Variants in FREM2 observed in about 807,000 individuals in gnomAD.
FREM2 encodes the protein FRAS1-related extracellular matrix protein 2.
A neutral mutation model predicts 219.9 loss-of-function variants in FREM2; 119 were observed. The observed-to-expected ratio is 0.54, with a 90% CI of 0.47 to 0.63. The LOEUF is 0.63. Ranked by LOEUF, FREM2 falls within the 30% of genes least tolerant of loss-of-function variation. The pLI is 0.00. For synonymous variants in FREM2, 1,562 were observed against 1,522.8 expected (o/e 1.03, Z -0.60); for missense variants, 4,030 against 3,993.6 (o/e 1.01, Z -0.25).
chr13:38,808,829 T>C (rs1176184773), intron 6 of FREM2, among the ~76,000 whole-genome samples: 4 of 152,020 alleles, frequency 2.6e-5, no homozygotes, highest in Admixed American at 2.6e-4. Context: ...GCACATGCTG[T>C]TGGAAAAATG....
At position 38,769,752 on chromosome 13, in the gene FREM2, T is replaced by C. The variant is rs1873581288; in HGVS notation, c.5585T>C (p.Leu1862Pro). 8.7e-6 allele frequency: 14 copies of C among 1,614,050 alleles called. No homozygotes were observed. The highest frequency in any genetic ancestry group is 1.2e-5 in the Non-Finnish European group (14 of 1,180,010). Reference protein sequence around the residue: ...TFQVVLSEPVLAALEFPTVAT... With the variant: ...TFQVVLSEPVPAALEFPTVAT... ...CAGGTGGTACTCTCAGAGCCCGTGC[T>C]GGCTGCCTTGGAATTCCCCACAGTC... The change falls in exon 4 of 24, where the codon CTG becomes CCG. Residue 1862 changes from leucine (L) to proline (P), a missense_variant. Physicochemically the swap from Leu to Pro is moderately conservative, Grantham distance 98 (BLOSUM62 -3). Around this residue, in one of 2 missense-constraint regions of FREM2, gnomAD observed 3,102 missense variants for 2,950.7 expected, o/e 1.05. Coordinates refer to ENST00000280481, the MANE Select transcript of FREM2 (RefSeq NM_207361.6).
chr13:38,714,990 G>T (rs1243296365), intron 2 of FREM2, among the ~76,000 whole-genome samples: 1 of 152,062 alleles, frequency 6.6e-6, no homozygotes, highest in Non-Finnish European at 1.5e-5. Context: ...TACTTGGGAG[G>T]CTAAGGCAAG....
chr13:38,701,198 T>C (rs959723387), intron 2 of FREM2, among the ~76,000 whole-genome samples: 1 of 152,084 alleles, frequency 6.6e-6, no homozygotes, highest in African/African-American at 2.4e-5. Context: ...CATGAAAATG[T>C]GATATCAGAA....
At chr13:38,768,244 G>T (rs896077960) in intron 3 of FREM2, among the ~76,000 whole-genome samples, 7 of 152,064 alleles carry the variant, frequency 4.6e-5, no homozygotes, top group African/African-American at 1.7e-4. Context: ...TCTATCACAA[G>T]ACTTTATTTT....
In FREM2 at chr13:38,755,166, G is replaced by T. The variant is rs566552291; in HGVS notation, c.5264-9138G>T. Among the ~76,000 whole-genome samples the T allele has an allele frequency of 7.2e-5, 11 of 152,144 alleles. No homozygotes were observed. In the South Asian group the frequency reaches 2.3e-3, roughly 32 times the overall value. On this transcript the variant is annotated intron_variant, in intron 2 of 23. Transcript: ENST00000280481. ...TCTGCCTGCCTCGGCCCCCCAAAGT[G>T]CTGGGATTACAGGCATGAGCCACCA...
rs555225770 is a variant in FREM2, at chr13:38,712,152, C to A, written c.5263+14365C>A. Among the ~76,000 whole-genome samples the A allele has an allele frequency of 2.8e-4, 43 of 152,112 alleles. No individual in the cohort carries two copies. In the South Asian group the frequency reaches 3.7e-3, roughly 13 times the overall value. ...CTCGTGATCCACCTGCCTCGGCCCC[C>A]CAAAGTGCTGGGATTACAGGCGTGA... On this transcript the variant is annotated intron_variant, in intron 2 of 23. Coordinates refer to ENST00000280481, the MANE Select transcript of FREM2 (RefSeq NM_207361.6).
At chr13:38,868,373 T>C (rs1878043194) in intron 16 of FREM2, among the ~76,000 whole-genome samples, 1 of 152,220 alleles carries the variant, frequency 6.6e-6, no homozygotes, top group African/African-American at 2.4e-5. Flanking sequence ...ATATTTCCAC[T>C]CATTCTAGCC....
At chr13:38,805,306 G>A (rs1028519369) in intron 6 of FREM2, among the ~76,000 whole-genome samples, 1 of 151,700 alleles carries the variant, frequency 6.6e-6, no homozygotes, top group African/African-American at 2.4e-5. Flanking sequence ...ACATAACTAG[G>A]ACATCACAGA....
intron 6 of FREM2, among the ~76,000 whole-genome samples, chr13:38,790,972 G>A (rs1283814348): frequency 6.6e-6 from 1 of 152,072 alleles, no homozygotes; most frequent in Non-Finnish European, 1.5e-5. Context: ...AGGTGTCAGT[G>A]GGCACAGAAA....
intron 6 of FREM2, among the ~76,000 whole-genome samples, chr13:38,814,866 G>A (rs1875699499): frequency 6.6e-6 from 1 of 152,160 alleles, no homozygotes; most frequent in African/African-American, 2.4e-5. Context: ...TCCATGGGGG[G>A]CTCTACTAGG....
At chr13:38,697,019 T>C (rs1014255268) in intron 1 of FREM2, among the ~76,000 whole-genome samples, 1 of 152,046 alleles carries the variant, frequency 6.6e-6, no homozygotes. Context: ...AGGCTGGTCT[T>C]GAACTCCTGA....
At chr13:38,693,251 C>T (rs1869971172) in intron 1 of FREM2, among the ~76,000 whole-genome samples, 1 of 152,116 alleles carries the variant, frequency 6.6e-6, no homozygotes, top group African/African-American at 2.4e-5. Flanking sequence ...CCAAAATATA[C>T]ATCTAATTCA....
intron 2 of FREM2, among the ~76,000 whole-genome samples, chr13:38,709,427 A>G (rs948831366): frequency 1.3e-5 from 2 of 152,206 alleles, no homozygotes; most frequent in African/African-American, 4.8e-5. Flanking sequence ...TTATATATGT[A>G]CATATAACTG....
At position 38,808,064 on chromosome 13, in the gene FREM2, C is replaced by T. The variant is rs184913395; in HGVS notation, c.6019+23256C>T. On this transcript the variant is annotated intron_variant, in intron 6 of 23. Coordinates refer to ENST00000280481, the MANE Select transcript of FREM2 (RefSeq NM_207361.6). ...GTGAGATCTTCTGGATAACTTGCTA[C>T]AGCTTCTACGTCAGCACTTGCTGCT... Among the ~76,000 whole-genome samples the T allele has an allele frequency of 1.4e-4, 21 of 152,098 alleles. 3 individuals carry two copies. The East Asian group carries it at 4.2e-3, about 30-fold the overall frequency.
rs1874222383 is a variant in FREM2, at chr13:38,783,920, CCCTG to C, written c.5768-633_5768-630del. ...GACCAGTCTGATCAACATGGTGAAA[CCCTG>C]CCTCTACTAAAAATACAAAAATTAA... On this transcript the variant is annotated intron_variant, in intron 5 of 23. Coordinates refer to ENST00000280481, the MANE Select transcript of FREM2 (RefSeq NM_207361.6). 2.0e-5 allele frequency among the ~76,000 whole-genome samples: 3 copies of C among 152,318 alleles called. No individual in the cohort carries two copies. The South Asian group carries it at 6.2e-4, about 32-fold the overall frequency.
At chr13:38,694,591 C>T (rs965516686) in intron 1 of FREM2, among the ~76,000 whole-genome samples, 5 of 151,978 alleles carry the variant, frequency 3.3e-5, no homozygotes, top group African/African-American at 1.2e-4. Flanking sequence ...ATAAGGTAAA[C>T]CTATATTTTG....
In FREM2 at chr13:38,769,636, G is replaced by A; in HGVS notation, c.5469G>A (p.Gln1823=). 6.2e-7 allele frequency: 1 copy of A among 1,614,180 alleles called. No homozygotes were observed. Among genetic ancestry groups the A allele is most frequent in the Non-Finnish European group, 8.5e-7 (1 of 1,180,006 alleles). The part of the protein sequence containing the change: ...EKDKDFKGKA[Q]KQVQFNPGQT... ...ACAAAGACTTCAAGGGCAAAGCACAGAAACAAGTGCAGTTCAACCCAGGCC... is the reference window on the plus strand; with the variant it reads ...ACAAAGACTTCAAGGGCAAAGCACAAAAACAAGTGCAGTTCAACCCAGGCC... The change falls in exon 4 of 24, where the codon CAG becomes CAA. Residue 1823 remains glutamine, a synonymous_variant. Transcript: ENST00000280481.
At chr13:38,739,830 T>C (rs2442357) in intron 2 of FREM2, among the ~76,000 whole-genome samples, 115,642 of 152,146 alleles carry the variant, frequency 0.76, 44,079 homozygotes, top group African/African-American at 0.77. Flanking sequence ...CTGATAATGA[T>C]AAAGTAGTTG....
chr13:38,739,748 C>T (rs1377737705), intron 2 of FREM2, among the ~76,000 whole-genome samples: 10 of 152,108 alleles, frequency 6.6e-5, no homozygotes, highest in African/African-American at 1.9e-4. Context: ...AGATTCTACA[C>T]GGTGGTTCTA....
Sources: gnomAD v4.1 joint callset for allele counts (sites outside exome capture counted in the v4.1 genomes callset) on GRCh38, gnomAD v4.1.1 for gene constraint, gnomAD v4.1.1 regional missense constraint, MANE v1.5 for transcripts, NCBI Gene and HGNC (gene_info 2026-07-23, HGNC 2026-07-21) for gene names.